The following THSD4 variants were observed in gnomAD, a reference collection of about 807,000 sequenced individuals.
The protein encoded by THSD4 is thrombospondin type-1 domain-containing protein 4.
In THSD4, 69 loss-of-function variants were observed where a neutral mutation model predicts 119.0. The observed-to-expected ratio is 0.58, with a 90% CI of 0.48 to 0.71. The LOEUF (loss-of-function observed/expected upper bound fraction) is 0.71, where lower values mean the gene tolerates loss of function less well. Among genes scored for constraint, THSD4 ranks in the 30% least tolerant of loss-of-function variants. The pLI is 0.00. For synonymous variants in THSD4, 524 were observed against 540.4 expected (o/e 0.97, Z 0.42); for missense variants, 1,393 against 1,391.1 (o/e 1.00, Z -0.02).
chr15:71,226,035 C>T (rs998755617), intron 4 of THSD4, among the ~76,000 whole-genome samples: 12 of 152,022 alleles, frequency 7.9e-5, no homozygotes. Context: ...ATCACTATTT[C>T]GTGCCTTGTA....
rs562824012 is a variant in THSD4, at chr15:71,572,344, A to C, written c.1153-88186A>C. 7.3e-4 allele frequency among the ~76,000 whole-genome samples: 111 copies of C among 152,260 alleles called. 5 individuals are homozygous for C. The South Asian group carries it at 0.023, about 31-fold the overall frequency. ...ATACTATGGGTGAAGCAATTATTTT[A>C]ATTGTTTCCTTTGTGCTGGGATTGT... is the stretch of plus-strand genomic sequence containing the variant. On this transcript the variant is annotated intron_variant, in intron 7 of 17. Transcript: ENST00000261862.
chr15:71,562,950 G>T (rs139155333), intron 7 of THSD4, among the ~76,000 whole-genome samples: 2 of 152,090 alleles, frequency 1.3e-5, no homozygotes, highest in African/African-American at 4.8e-5. Flanking sequence ...TGATCCACCC[G>T]CCTCGGCCTC....
intron 17 of THSD4, among the ~76,000 whole-genome samples, chr15:71,774,334 G>C (rs1322265250): frequency 6.8e-6 from 1 of 147,046 alleles, no homozygotes; most frequent in African/African-American, 2.5e-5. Context: ...AAAACTACAA[G>C]AGGCTGAAGA....
intron 4 of THSD4, among the ~76,000 whole-genome samples, chr15:71,222,004 A>C (rs956481432): frequency 6.6e-6 from 1 of 152,124 alleles, no homozygotes; most frequent in Non-Finnish European, 1.5e-5. Flanking sequence ...AGTGATGTTG[A>C]ACATTTTTTT....
intron 7 of THSD4, among the ~76,000 whole-genome samples, chr15:71,458,225 T>A (rs1193600629): frequency 6.6e-6 from 1 of 152,210 alleles, no homozygotes; most frequent in Non-Finnish European, 1.5e-5. Flanking sequence ...ATTTGGTGAC[T>A]TGCCAAAAAT....
chr15:71,678,589 GATA>G lies in THSD4; in HGVS notation c.1357+17857_1357+17859del, dbSNP rs1422065126. On this transcript the variant is annotated intron_variant, in intron 8 of 17. Transcript: ENST00000261862. Reference sequence around the variant, plus strand: ...TTCTTCTAAACCTTGAAGTCTTGCAGATAAGTCACTGAAGGGGTGGTCTTTGAA... The same window carrying G: ...TTCTTCTAAACCTTGAAGTCTTGCAGAGTCACTGAAGGGGTGGTCTTTGAA... 7.2e-5 allele frequency among the ~76,000 whole-genome samples: 11 copies of G among 152,330 alleles called. No homozygotes were observed. The East Asian group carries it at 1.9e-3, about 27-fold the overall frequency.
intron 7 of THSD4, among the ~76,000 whole-genome samples, chr15:71,545,991 G>C (rs2048831507): frequency 6.6e-6 from 1 of 152,134 alleles, no homozygotes; most frequent in Non-Finnish European, 1.5e-5. Context: ...TTCTGGGGCT[G>C]GCTGCTGATA....
intron 7 of THSD4, among the ~76,000 whole-genome samples, chr15:71,583,672 A>G (rs2049602136): frequency 6.6e-6 from 1 of 152,158 alleles, no homozygotes; most frequent in African/African-American, 2.4e-5. Flanking sequence ...GTTGTTCAAG[A>G]GTGGATTTAG....
At chr15:71,635,467 G>A (rs192817259) in intron 7 of THSD4, among the ~76,000 whole-genome samples, 1 of 152,270 alleles carries the variant, frequency 6.6e-6, no homozygotes, top group Admixed American at 6.5e-5. Context: ...CTTGAAGATA[G>A]CAGCTTGATT....
intron 7 of THSD4, among the ~76,000 whole-genome samples, chr15:71,443,317 T>A (rs546283999): frequency 2.0e-5 from 3 of 152,298 alleles, no homozygotes; most frequent in South Asian, 4.1e-4. Context: ...CTCTGGTTGC[T>A]CATAAATGCT....
intron 7 of THSD4, among the ~76,000 whole-genome samples, chr15:71,597,281 A>G (rs1182297959): frequency 6.6e-6 from 1 of 152,178 alleles, no homozygotes; most frequent in Non-Finnish European, 1.5e-5. Flanking sequence ...AGCCTGGCTG[A>G]AACTGACAAT....
chr15:71,295,850 T>C (rs759746691), intron 6 of THSD4, among the ~76,000 whole-genome samples: 1 of 152,228 alleles, frequency 6.6e-6, no homozygotes, highest in Non-Finnish European at 1.5e-5. Context: ...AAGTAAGCTA[T>C]GTACTTTCTG....
At chr15:71,098,784 A>G (rs1340171496) in intron 1 of THSD4, among the ~76,000 whole-genome samples, 2 of 152,208 alleles carry the variant, frequency 1.3e-5, no homozygotes, top group African/African-American at 4.8e-5. Flanking sequence ...CTCAATAAGA[A>G]TACAAGTTAA....
chr15:71,278,298 T>A (rs974948704), intron 6 of THSD4, among the ~76,000 whole-genome samples: 1 of 152,146 alleles, frequency 6.6e-6, no homozygotes, highest in Non-Finnish European at 1.5e-5. Context: ...CTGGGGTCAG[T>A]GATCCTCACA....
At chr15:71,508,348 G>T (rs1031553682) in intron 7 of THSD4, among the ~76,000 whole-genome samples, 10 of 152,212 alleles carry the variant, frequency 6.6e-5, no homozygotes, top group African/African-American at 1.9e-4. Context: ...ATAGTAACGG[G>T]CAGGGAAACC....
intron 3 of THSD4, chr15:71,164,904 T>C: frequency 1.3e-6 from 2 of 1,562,956 alleles, no homozygotes; most frequent in Non-Finnish European, 1.7e-6. Context: ...ACTCCCTTTT[T>C]TGCTGCATCA....
intron 7 of THSD4, among the ~76,000 whole-genome samples, chr15:71,437,313 G>A (rs915876279): frequency 6.6e-5 from 10 of 152,192 alleles, no homozygotes; most frequent in Non-Finnish European, 1.3e-4. Flanking sequence ...TGGGGATCAC[G>A]TTTCCAAATG....
intron 6 of THSD4, among the ~76,000 whole-genome samples, chr15:71,302,061 C>G (rs2044957416): frequency 6.6e-6 from 1 of 152,164 alleles, no homozygotes; most frequent in African/African-American, 2.4e-5. Context: ...ATTTTGGGAT[C>G]TATTTCTAGA....
rs556056025 is a variant in THSD4 at position 71,666,115 on chromosome 15, T to C, written c.1357+5381T>C. ...GGGCAGTATAGCCATTTTAATGATA[T>C]TGGTTCTTCCTATCCATGAGCATGG... On this transcript the variant is annotated intron_variant, in intron 8 of 17. Coordinates refer to ENST00000261862, the MANE Select transcript of THSD4 (RefSeq NM_024817.3). 4.0e-3 allele frequency among the ~76,000 whole-genome samples: 609 copies of C among 152,334 alleles called. 5 individuals carry two copies. The highest frequency in any genetic ancestry group is 0.014 in the African/African-American group (573 of 41,566).
Sources: allele counts gnomAD v4.1 joint callset (sites outside exome capture counted in the v4.1 genomes callset), GRCh38; gene constraint gnomAD v4.1.1; transcripts MANE v1.5; gene names NCBI Gene and HGNC (gene_info 2026-07-23, HGNC 2026-07-21).